SAP130: variants seen among roughly 807,000 people sequenced by gnomAD.
SAP130 encodes Sin3A associated protein 130.
SAP130 carries 16 observed loss-of-function variants against 103.2 expected under a neutral mutation model. That is an observed-to-expected ratio of 0.16 (90% CI 0.10 to 0.24). SAP130 has a LOEUF of 0.24. Among genes scored for constraint, SAP130 ranks in the 10% least tolerant of loss-of-function variants. SAP130 has a pLI of 1.00. For synonymous variants in SAP130, 477 were observed against 497.0 expected (o/e 0.96, Z 0.53); for missense variants, 990 against 1,359.7 (o/e 0.73, Z 4.28).
intron 15 of SAP130, among the ~76,000 whole-genome samples, chr2:127,961,650 A>G (rs1160815550): frequency 6.6e-6 from 1 of 152,004 alleles, no homozygotes; most frequent in East Asian, 1.9e-4. Context: ...CTAAAAAACT[A>G]TAAATTTAAC....
intron 15 of SAP130, among the ~76,000 whole-genome samples, chr2:127,973,811 T>C (rs1220110628): frequency 1.3e-5 from 2 of 152,122 alleles, no homozygotes; most frequent in Non-Finnish European, 2.9e-5. Flanking sequence ...GCGGTGCTCA[T>C]GTCTGTAATC....
chr2:128,004,104 G>A (rs12471742), intron 7 of SAP130, among the ~76,000 whole-genome samples: 1 of 151,562 alleles, frequency 6.6e-6, no homozygotes, highest in African/African-American at 2.4e-5. Context: ...CCAGTGTTCA[G>A]ATGGGTCCTT....
chr2:127,994,558 C>T (rs1045015364), intron 11 of SAP130, among the ~76,000 whole-genome samples: 2 of 152,156 alleles, frequency 1.3e-5, no homozygotes, highest in Non-Finnish European at 2.9e-5. Flanking sequence ...CACCACTGCA[C>T]TACAGCCTGG....
At chr2:127,999,896 G>A (rs766015360) in intron 9 of SAP130, 51 bp from the exon 10 acceptor site, 11 of 1,449,034 alleles carry the variant, frequency 7.6e-6, no homozygotes, top group East Asian at 4.6e-5. Context: ...CTCTGCACAC[G>A]TTACAGATTC....
chr2:128,000,823 G>A (rs1485211453), intron 7 of SAP130, among the ~76,000 whole-genome samples: 2 of 152,094 alleles, frequency 1.3e-5, no homozygotes, highest in African/African-American at 4.8e-5. Context: ...GATAGCTTGT[G>A]CCCAGGAAGT....
rs545447215 is a variant in SAP130, at chr2:128,027,463, C to T, written c.-7+477G>A. 18 of 1,085,818 alleles carry T rather than the reference C, an allele frequency of 1.7e-5. No homozygotes were observed. In the South Asian group the frequency reaches 7.3e-4, roughly 44 times the overall value. The allele number at this position is 1,085,818 out of a possible 1,614,324, so 67.3% of individuals were successfully genotyped here. A position where few individuals can be genotyped will look rare whatever the true frequency, so the allele number is the denominator to read the frequency against. On this transcript the variant is annotated intron_variant, in intron 1 of 20. Transcript: ENST00000643581. ...AGCCTGGCCGGGGCAGCCCAAACCC[C>T]TCGAGGCTGAGCCAATGGCAGAGGA... is the stretch of plus-strand genomic sequence containing the variant.
chr2:127,983,063 A>G (rs1397651398), intron 14 of SAP130, among the ~76,000 whole-genome samples: 1 of 152,148 alleles, frequency 6.6e-6, no homozygotes, highest in Non-Finnish European at 1.5e-5. Flanking sequence ...GAGCTGGAAA[A>G]TCATTTCTGA....
At chr2:127,952,112 C>T (rs1166288577) in intron 16 of SAP130, among the ~76,000 whole-genome samples, 1 of 152,176 alleles carries the variant, frequency 6.6e-6, no homozygotes, top group Non-Finnish European at 1.5e-5. Context: ...TCTCACTCTA[C>T]TGGATCATTC....
At chr2:127,964,218 G>C (rs1351776668) in intron 15 of SAP130, among the ~76,000 whole-genome samples, 1 of 152,062 alleles carries the variant, frequency 6.6e-6, no homozygotes, top group Non-Finnish European at 1.5e-5. Flanking sequence ...TTTAGGCTGG[G>C]CGCAGTGGCT....
At chr2:128,027,441 C>G in intron 1 of SAP130, 1 of 1,112,160 alleles carries the variant, frequency 9.0e-7, no homozygotes, top group Non-Finnish European at 1.1e-6. Context: ...AGGCGCGAGC[C>G]TGGCCGGGGC....
intron 16 of SAP130, 48 bp from the exon 17 acceptor site, chr2:127,950,456 C>G: frequency 1.2e-6 from 2 of 1,601,844 alleles, no homozygotes; most frequent in Non-Finnish European, 1.7e-6. Context: ...TCAAAGATAA[C>G]AGAAAGTTTC....
At chr2:128,010,978 T>C (rs918751162) in intron 6 of SAP130, among the ~76,000 whole-genome samples, 3 of 150,564 alleles carry the variant, frequency 2.0e-5, no homozygotes, top group Admixed American at 1.3e-4. Flanking sequence ...CCCATTTTGA[T>C]TGAACAGTAC....
At chr2:128,027,842 C>T in intron 1 of SAP130, 98 bp downstream of exon 1, 1 of 810,398 alleles carries the variant, frequency 1.2e-6, no homozygotes, top group Non-Finnish European at 1.5e-6. Context: ...TCTGCCCTTC[C>T]CCGGGGACGC....
intron 11 of SAP130, 30 bp from the exon 12 acceptor site, chr2:127,993,338 A>C (rs771015114): frequency 6.3e-7 from 1 of 1,577,032 alleles, no homozygotes; most frequent in Non-Finnish European, 8.6e-7. Flanking sequence ...TAGCAAACAA[A>C]ATAGTCATTT....
chr2:128,010,721 G>A (rs527559052), intron 6 of SAP130, among the ~76,000 whole-genome samples: 21 of 151,848 alleles, frequency 1.4e-4, no homozygotes, highest in South Asian at 2.1e-4. Context: ...AAAATTAGCC[G>A]GGTGTGGTGG....
chr2:128,004,396 T>G (rs985790789), intron 7 of SAP130, among the ~76,000 whole-genome samples: 2 of 124,746 alleles, frequency 1.6e-5, no homozygotes, highest in African/African-American at 6.0e-5. Flanking sequence ...TTTAAAGCGA[T>G]AGATTCTCAC....
chr2:128,019,633 C>T (rs1157673157), intron 2 of SAP130, among the ~76,000 whole-genome samples: 2 of 152,070 alleles, frequency 1.3e-5, no homozygotes, highest in African/African-American at 4.8e-5. Flanking sequence ...CGCCTGTAAT[C>T]CCAGCACTTT....
chr2:127,996,634 G>T lies in SAP130; in HGVS notation c.1214-143C>A. ...AATCAAAATAAAAAATGAAAAATAA[G>T]TACAAAGTTCAACAGAATTATTTCA... On this transcript the variant is annotated intron_variant, in intron 10 of 20. Coordinates refer to ENST00000643581, the MANE Select transcript of SAP130 (RefSeq NM_001330301.2). This position sits in a 1 kb window ranked among gnomAD's most constrained non-coding sequence, Gnocchi z 4.3. 1 of 732,434 alleles carries T rather than the reference G, an allele frequency of 1.4e-6. No homozygotes were observed. The highest frequency in any genetic ancestry group is 2.0e-6 in the Non-Finnish European group (1 of 492,346). The allele number at this position is 732,434 out of a possible 1,614,324, so 45.4% of individuals were successfully genotyped here. A position where few individuals can be genotyped will look rare whatever the true frequency, so the allele number is the denominator to read the frequency against.
At chr2:128,025,906 G>A (rs543867459) in intron 2 of SAP130, among the ~76,000 whole-genome samples, 1 of 152,164 alleles carries the variant, frequency 6.6e-6, no homozygotes, top group Non-Finnish European at 1.5e-5. Flanking sequence ...CTATACTCCT[G>A]GACATTAATT....
Sources: allele counts gnomAD v4.1 joint callset (sites outside exome capture counted in the v4.1 genomes callset), GRCh38; gene constraint gnomAD v4.1.1; non-coding constraint Gnocchi (gnomAD v3.1); transcripts MANE v1.5; gene names NCBI Gene and HGNC (gene_info 2026-07-23, HGNC 2026-07-21).